NFIX: variants seen among roughly 807,000 people sequenced by gnomAD.
The protein encoded by NFIX is nuclear factor 1 X-type.
In NFIX, 2 loss-of-function variants were observed where a neutral mutation model predicts 53.3. The ratio of observed to expected loss-of-function variants is 0.04; its 90% CI spans 0.02 to 0.12. The LOEUF (loss-of-function observed/expected upper bound fraction) is 0.12, where lower values mean the gene tolerates loss of function less well. Ranked by LOEUF, NFIX falls within the 10% of genes least tolerant of loss-of-function variation. The pLI is 1.00. For missense variants in NFIX, 310 were observed against 674.5 expected (o/e 0.46, Z 5.99); for synonymous variants, 244 against 289.0 (o/e 0.84, Z 1.58).
In NFIX at chr19:13,078,744, T is replaced by C. The variant is rs1267457666; in HGVS notation, c.1078+9T>C. Reference sequence around the variant, plus strand: ...TGCTGGAGTCAGACCAGGTGAGAAATGGGGGGCCCCGGAGGGGGGCAGTTG... The same window carrying C: ...TGCTGGAGTCAGACCAGGTGAGAAACGGGGGGCCCCGGAGGGGGGCAGTTG... On this transcript the variant is annotated intron_variant, in intron 7 of 10. Coordinates refer to ENST00000592199, the MANE Select transcript of NFIX (RefSeq NM_001365902.3). This position sits in a 1 kb window ranked among gnomAD's most constrained non-coding sequence, Gnocchi z 4.7. 6.3e-7 allele frequency: 1 copy of C among 1,593,938 alleles called. No individual in the cohort carries two copies. The highest frequency in any genetic ancestry group is 1.4e-5 in the African/African-American group (1 of 72,424).
At chr19:13,053,461 C>T (rs529696764) in intron 2 of NFIX, among the ~76,000 whole-genome samples, 1 of 152,264 alleles carries the variant, frequency 6.6e-6, no homozygotes, top group Admixed American at 6.5e-5. Context: ...AGGAAATGTT[C>T]CAAGGCCTTC....
In NFIX at chr19:13,027,656, A is replaced by G. The variant is rs1013289201; in HGVS notation, c.559+2104A>G. ...TCTTTTATTTTAGGCCGAATTCTTG[A>G]CTGCTGCCAGTGTGGGGCTAAGGTA... On this transcript the variant is annotated intron_variant, in intron 2 of 10. Coordinates refer to ENST00000592199, the MANE Select transcript of NFIX (RefSeq NM_001365902.3). This position sits in a 1 kb window ranked among gnomAD's most constrained non-coding sequence, Gnocchi z 4.3. 3.3e-5 allele frequency among the ~76,000 whole-genome samples: 5 copies of G among 152,120 alleles called. No individual in the cohort carries two copies. Among genetic ancestry groups the G allele is most frequent in the Non-Finnish European group, 7.3e-5 (5 of 68,030 alleles).
intron 7 of NFIX, among the ~76,000 whole-genome samples, chr19:13,080,573 T>A (rs2017396197): frequency 1.3e-5 from 2 of 152,150 alleles, no homozygotes; most frequent in South Asian, 4.1e-4. Context: ...GCACAGTGGC[T>A]CATGCTTGTA....
At chr19:13,056,652 A>G (rs989071560) in intron 2 of NFIX, among the ~76,000 whole-genome samples, 1 of 152,186 alleles carries the variant, frequency 6.6e-6, no homozygotes, top group African/African-American at 2.4e-5. Context: ...AGGCCAGGGA[A>G]CCCAGGGGTG....
rs2017496276 is a variant in NFIX, at chr19:13,081,957, C to T, written c.1254+102C>T. On this transcript the variant is annotated intron_variant, in intron 8 of 10. Coordinates refer to ENST00000592199, the MANE Select transcript of NFIX (RefSeq NM_001365902.3). The surrounding 1 kb of genome is among the most constrained non-coding windows in gnomAD (Gnocchi z 4.7). ...AGAGGGCCCAAAAGCCAGGAGCCCA[C>T]CTGGGGCTGGAGCAGCAGGGAGCTG... 1 of 1,412,524 alleles carries T rather than the reference C, an allele frequency of 7.1e-7. No individual in the cohort carries two copies. Among genetic ancestry groups the T allele is most frequent in the South Asian group, 1.2e-5 (1 of 80,174 alleles). 87.5% of individuals were successfully genotyped at this position (1,412,524 alleles called of 1,614,324 possible). A position where few individuals can be genotyped will look rare whatever the true frequency, so the allele number is the denominator to read the frequency against.
Position 13,067,355 on chromosome 19 carries a change from C to T in NFIX, c.560-5692C>T, listed in dbSNP as rs1386543152. Among the ~76,000 whole-genome samples, 1 of 152,186 alleles carries T rather than the reference C, an allele frequency of 6.6e-6. No homozygotes were observed. Among genetic ancestry groups the T allele is most frequent in the Admixed American group, 6.5e-5 (1 of 15,282 alleles). ...TCCCCGTTTCCAAAGGCCAGCGGTT[C>T]CTGCAGAGTTGAAGGGGATTCCTCT... On this transcript the variant is annotated intron_variant, in intron 2 of 10. Coordinates refer to ENST00000592199, the MANE Select transcript of NFIX (RefSeq NM_001365902.3). This position sits in a 1 kb window ranked among gnomAD's most constrained non-coding sequence, Gnocchi z 4.2.
At chr19:13,023,077 T>TCC (rs2013038821) in intron 1 of NFIX, among the ~76,000 whole-genome samples, 1 of 149,918 alleles carries the variant, frequency 6.7e-6, no homozygotes, top group African/African-American at 2.5e-5. Context: ...TCTTTCTCTC[T>TCC]CTCTCTCTCT....
In NFIX at chr19:13,068,115, CAAAAACAAAAACA is replaced by C. The variant is rs1053201378; in HGVS notation, c.560-4918_560-4906del. Among the ~76,000 whole-genome samples the C allele has an allele frequency of 3.0e-4, 46 of 151,334 alleles. No homozygotes were observed. Among genetic ancestry groups the C allele is most frequent in the African/African-American group, 1.0e-3 (42 of 41,196 alleles). On this transcript the variant is annotated intron_variant, in intron 2 of 10. Coordinates refer to ENST00000592199, the MANE Select transcript of NFIX (RefSeq NM_001365902.3). The surrounding 1 kb of genome is among the most constrained non-coding windows in gnomAD (Gnocchi z 4.2). ...GCAAGACTCCATCTCAAAAAAAAAA[CAAAAACAAAAACA>C]AAAAACAAAAACATGCTGTCAGTTG...
chr19:13,077,147 G>A (rs1401356060), intron 6 of NFIX, among the ~76,000 whole-genome samples: 2 of 152,116 alleles, frequency 1.3e-5, no homozygotes, highest in Non-Finnish European at 2.9e-5. Flanking sequence ...GTGCATAGAG[G>A]ACTGTGTCTG....
At chr19:13,063,613 C>A (rs2016229001) in intron 2 of NFIX, among the ~76,000 whole-genome samples, 1 of 152,008 alleles carries the variant, frequency 6.6e-6, no homozygotes, top group Non-Finnish European at 1.5e-5. Flanking sequence ...TCTTTCTTTG[C>A]TTTGGCCCTG....
Position 13,068,816 on chromosome 19 carries a change from C to T in NFIX, c.560-4231C>T, listed in dbSNP as rs971571759. 7.9e-5 allele frequency among the ~76,000 whole-genome samples: 12 copies of T among 152,220 alleles called. No homozygotes were observed. Among genetic ancestry groups the T allele is most frequent in the Admixed American group, 1.3e-4 (2 of 15,282 alleles). On this transcript the variant is annotated intron_variant, in intron 2 of 10. Transcript: ENST00000592199. This position sits in a 1 kb window ranked among gnomAD's most constrained non-coding sequence, Gnocchi z 4.2. ...CTCTGCCTCAGAGACATGGATCTCACGAGTAGCCCAGGTCCCCAGAGAAGG... is the reference window on the plus strand; with the variant it reads ...CTCTGCCTCAGAGACATGGATCTCATGAGTAGCCCAGGTCCCCAGAGAAGG...
chr19:13,031,520 ACT>A (rs565356158), intron 2 of NFIX, among the ~76,000 whole-genome samples: 108 of 152,270 alleles, frequency 7.1e-4, no homozygotes, highest in African/African-American at 2.5e-3. Flanking sequence ...TGAAATGCAC[ACT>A]TAGTCAACTT....
At chr19:13,057,102 G>C (rs968989099) in intron 2 of NFIX, among the ~76,000 whole-genome samples, 1 of 152,242 alleles carries the variant, frequency 6.6e-6, no homozygotes, top group Non-Finnish European at 1.5e-5. Context: ...AGAGTCTCAG[G>C]GCAAGGCCGC....
Position 13,094,110 on chromosome 19 carries a change from T to C in NFIX, c.1495-525T>C, listed in dbSNP as rs1442538163. On this transcript the variant is annotated intron_variant, in intron 10 of 10. Coordinates refer to ENST00000592199, the MANE Select transcript of NFIX (RefSeq NM_001365902.3). The surrounding 1 kb of genome is among the most constrained non-coding windows in gnomAD (Gnocchi z 4.3). ...GGCGCTACTAGGGACTGAAGCTGTG[T>C]GGTTCCCCTGCCCCCAGTCTTTCAG... 1.3e-5 allele frequency among the ~76,000 whole-genome samples: 2 copies of C among 152,188 alleles called. No individual in the cohort carries two copies. The highest frequency in any genetic ancestry group is 2.9e-5 in the Non-Finnish European group (2 of 68,030).
rs902486681 is a variant in NFIX at position 13,072,467 on chromosome 19, G to C, written c.560-580G>C. Among the ~76,000 whole-genome samples the C allele has an allele frequency of 2.6e-5, 4 of 152,250 alleles. No homozygotes were observed. Among genetic ancestry groups the C allele is most frequent in the Admixed American group, 2.6e-4 (4 of 15,288 alleles). The stretch of plus-strand genomic sequence containing the variant: ...GCCTCTGAGCATAAAGGTGAGGTGG[G>C]GGAGGCGCAGGCAGACAGGAATGGC... On this transcript the variant is annotated intron_variant, in intron 2 of 10. Coordinates refer to ENST00000592199, the MANE Select transcript of NFIX (RefSeq NM_001365902.3). The surrounding 1 kb of genome is among the most constrained non-coding windows in gnomAD (Gnocchi z 4.0).
Position 13,044,685 on chromosome 19 carries a change from C to T in NFIX, c.559+19133C>T, listed in dbSNP as rs576204814. Among the ~76,000 whole-genome samples the T allele has an allele frequency of 8.5e-5, 13 of 152,264 alleles. No individual in the cohort carries two copies. In the South Asian group the frequency reaches 1.0e-3, roughly 12 times the overall value. On this transcript the variant is annotated intron_variant, in intron 2 of 10. Coordinates refer to ENST00000592199, the MANE Select transcript of NFIX (RefSeq NM_001365902.3). ...TGAGAAGTGTCAGGCCTTTCCCGTT[C>T]GCTCAGCAGCTGAGCAGTTCCTTTC...
At position 13,072,926 on chromosome 19, in the gene NFIX, G is replaced by A. The variant is rs2016852555; in HGVS notation, c.560-121G>A. The A allele has an allele frequency of 1.0e-6, 1 of 954,256 alleles. No homozygotes were observed. Among genetic ancestry groups the A allele is most frequent in the Non-Finnish European group, 1.7e-6 (1 of 584,104 alleles). 59.1% of individuals were successfully genotyped at this position (954,256 alleles called of 1,614,324 possible). Reference sequence around the variant, plus strand: ...TGGTTTGGGGAGAGGGTGGGGTGAAGGTTTCTGTAGCCAGGGTGGGCCGTC... The same window carrying A: ...TGGTTTGGGGAGAGGGTGGGGTGAAAGTTTCTGTAGCCAGGGTGGGCCGTC... On this transcript the variant is annotated intron_variant, in intron 2 of 10. Coordinates refer to ENST00000592199, the MANE Select transcript of NFIX (RefSeq NM_001365902.3). This position sits in a 1 kb window ranked among gnomAD's most constrained non-coding sequence, Gnocchi z 4.0.
At chr19:13,084,944 C>T (rs567990571) in intron 8 of NFIX, among the ~76,000 whole-genome samples, 2 of 152,002 alleles carry the variant, frequency 1.3e-5, no homozygotes, top group Non-Finnish European at 2.9e-5. Flanking sequence ...ATGGTGGGTG[C>T]CTGTAATCCC....
intron 2 of NFIX, among the ~76,000 whole-genome samples, chr19:13,054,879 GAC>G (rs1034000259): frequency 6.6e-6 from 1 of 152,164 alleles, no homozygotes; most frequent in African/African-American, 2.4e-5. Flanking sequence ...CACACACAGA[GAC>G]ACACACAGTC....
Sources: allele counts gnomAD v4.1 joint callset (sites outside exome capture counted in the v4.1 genomes callset), GRCh38; gene constraint gnomAD v4.1.1; non-coding constraint Gnocchi (gnomAD v3.1); transcripts MANE v1.5; gene names NCBI Gene and HGNC (gene_info 2026-07-23, HGNC 2026-07-21).